NFKB1: variants seen among roughly 807,000 people sequenced by gnomAD.
The protein encoded by NFKB1 is nuclear factor kappa B subunit 1, also known as nuclear factor NF-kappa-B p105 subunit.
In NFKB1, 9 loss-of-function variants were observed where a neutral mutation model predicts 105.1. The observed-to-expected ratio is 0.09, with a 90% CI of 0.05 to 0.15. NFKB1 has a LOEUF of 0.15. Among genes scored for constraint, NFKB1 ranks in the 10% least tolerant of loss-of-function variants. The probability of loss-of-function intolerance (pLI) is 1.00; values close to 1 mark genes in which losing one functional copy is unlikely to be tolerated. For missense variants in NFKB1, 830 were observed against 1,203.7 expected, an observed-to-expected ratio of 0.69 and a Z score of 4.59; for synonymous variants, 440 against 442.2, an observed-to-expected ratio of 1.00 and a Z score of 0.06.
rs550342036 is a variant in NFKB1, at chr4:102,539,236, CA to C, written c.258+1301del. The stretch of plus-strand genomic sequence containing the variant: ...TGGACAACAGAGCGAGACTCTGTCT[CA>C]AAAAAAAAAAAAAAAAAAAAGAAAG... On this transcript the variant is annotated intron_variant, in intron 5 of 23. Coordinates refer to ENST00000226574, the MANE Select transcript of NFKB1 (RefSeq NM_003998.4). 4.6e-3 allele frequency among the ~76,000 whole-genome samples: 441 copies of C among 95,624 alleles called. 2 individuals carry two copies. The highest frequency in any genetic ancestry group is 0.014 in the Middle Eastern group (3 of 208). The allele number at this position is 95,624 out of a possible 152,430, so 62.7% of individuals were successfully genotyped here. A position where few individuals can be genotyped will look rare whatever the true frequency, so the allele number is the denominator to read the frequency against.
At chr4:102,608,402 G>A (rs1728026541) in intron 19 of NFKB1, among the ~76,000 whole-genome samples, 3 of 152,184 alleles carry the variant, frequency 2.0e-5, no homozygotes, top group African/African-American at 7.2e-5. Flanking sequence ...CAGGGTTCCA[G>A]TAAGTGACAG....
chr4:102,596,170 G>A lies in NFKB1; in HGVS notation c.1333G>A (p.Glu445Lys). 2 of 1,610,440 alleles carry A rather than the reference G, an allele frequency of 1.2e-6. No individual in the cohort carries two copies. ...TMDTESKKDPEGCDKSDDKNT... is the reference protein window; with the variant it reads ...TMDTESKKDPKGCDKSDDKNT... ...GGACACTGAATCTAAAAAGGACCCT[G>A]AAGGTTGTGACAAAAGTGATGACAA... Residue 445 changes from glutamate (E) to lysine (K), a missense_variant, in exon 14 of 24, where the codon GAA becomes AAA. Glu to Lys is a moderately conservative substitution (Grantham distance 56). This residue lies in a region of NFKB1 where 163 missense variants were observed against 164.3 expected (regional missense o/e 0.99). Coordinates refer to ENST00000226574, the MANE Select transcript of NFKB1 (RefSeq NM_003998.4).
At chr4:102,593,666 A>G in intron 12 of NFKB1, 98 bp downstream of exon 12, 3 of 1,207,408 alleles carry the variant, frequency 2.5e-6, no homozygotes, top group Non-Finnish European at 3.4e-6. Context: ...TTGAGTGGCT[A>G]TGATATTATT....
In NFKB1 at chr4:102,610,609, C is replaced by A. The variant is rs1265330593; in HGVS notation, c.2262C>A (p.Leu754=). The A allele has an allele frequency of 6.2e-7, 1 of 1,614,022 alleles. No individual in the cohort carries two copies. The highest frequency in any genetic ancestry group is 2.2e-5 in the East Asian group (1 of 44,868). Residue 754 remains leucine, a synonymous_variant, in exon 20 of 24, where the codon CTC becomes CTA. Coordinates refer to ENST00000226574, the MANE Select transcript of NFKB1 (RefSeq NM_003998.4). ...CCCTGGTGGAGAACTTTGAGCCTCT[C>A]TATGACCTGGATGACTCTTGGGAAA... ...ADPLVENFEP[L]YDLDDSWENA...
At chr4:102,582,295 C>G (rs1443195704) in intron 9 of NFKB1, among the ~76,000 whole-genome samples, 1 of 152,142 alleles carries the variant, frequency 6.6e-6, no homozygotes, top group African/African-American at 2.4e-5. Flanking sequence ...CTGGTTCCTC[C>G]AAGTACTAGC....
chr4:102,523,677 C>T (rs1214520330), intron 1 of NFKB1, among the ~76,000 whole-genome samples: 6 of 152,202 alleles, frequency 3.9e-5, no homozygotes, highest in South Asian at 2.1e-4. Flanking sequence ...TGGCATTGTT[C>T]AGGGATCCTC....
At chr4:102,578,811 T>C (rs763859413) in intron 7 of NFKB1, 70 bp from the exon 8 acceptor site, 26 of 1,510,290 alleles carry the variant, frequency 1.7e-5, no homozygotes, top group Non-Finnish European at 2.3e-5. Flanking sequence ...TATTTGGGCT[T>C]TATAAAAGCA....
chr4:102,516,108 T>A (rs1740164060), intron 1 of NFKB1, among the ~76,000 whole-genome samples: 1 of 152,144 alleles, frequency 6.6e-6, no homozygotes. Context: ...AGAAACATCA[T>A]GCTTATCATG....
At chr4:102,549,480 A>G (rs546749575) in intron 5 of NFKB1, among the ~76,000 whole-genome samples, 24 of 149,992 alleles carry the variant, frequency 1.6e-4, no homozygotes, top group African/African-American at 5.8e-4. Flanking sequence ...TTGAATTTAT[A>G]TATATATAAA....
At chr4:102,600,195 T>C (rs1279156645) in intron 15 of NFKB1, among the ~76,000 whole-genome samples, 1 of 152,158 alleles carries the variant, frequency 6.6e-6, no homozygotes, top group Non-Finnish European at 1.5e-5. Context: ...AGGTTTGAAC[T>C]GGAATATAAA....
At chr4:102,601,723 C>A (rs762739572) in intron 16 of NFKB1, among the ~76,000 whole-genome samples, 2 of 152,338 alleles carry the variant, frequency 1.3e-5, no homozygotes, top group Non-Finnish European at 2.9e-5. Context: ...GGAGCCACTT[C>A]GGCAGAAGCA....
chr4:102,603,969 T>C (rs1173065539), intron 16 of NFKB1, among the ~76,000 whole-genome samples: 1 of 152,254 alleles, frequency 6.6e-6, no homozygotes, highest in Non-Finnish European at 1.5e-5. Context: ...TTGGTATGGA[T>C]TGTTTTATTT....
intron 5 of NFKB1, among the ~76,000 whole-genome samples, chr4:102,556,660 G>A (rs1383825543): frequency 1.3e-5 from 2 of 152,202 alleles, no homozygotes; most frequent in African/African-American, 4.8e-5. Flanking sequence ...ATTTGCAAAG[G>A]GCCTCAGATT....
chr4:102,530,593 G>A (rs910746857), intron 3 of NFKB1, among the ~76,000 whole-genome samples: 2 of 152,160 alleles, frequency 1.3e-5, no homozygotes, highest in Non-Finnish European at 2.9e-5. Context: ...CTTAACAGAT[G>A]TTCAAAAGCA....
chr4:102,591,739 T>G (rs1360303601), intron 11 of NFKB1, among the ~76,000 whole-genome samples: 2 of 152,180 alleles, frequency 1.3e-5, no homozygotes, highest in Non-Finnish European at 2.9e-5. Flanking sequence ...CTGAAGGAGA[T>G]CTTTTCATGG....
chr4:102,576,036 T>C (rs1724793579), intron 6 of NFKB1, among the ~76,000 whole-genome samples: 1 of 152,250 alleles, frequency 6.6e-6, no homozygotes, highest in African/African-American at 2.4e-5. Flanking sequence ...TTGTTTCATG[T>C]ACTTTAATTT....
At chr4:102,557,590 A>G (rs1307816803) in intron 5 of NFKB1, among the ~76,000 whole-genome samples, 1 of 152,222 alleles carries the variant, frequency 6.6e-6, no homozygotes, top group Non-Finnish European at 1.5e-5. Context: ...CATTTGAGGA[A>G]TAACAGACAG....
intron 6 of NFKB1, among the ~76,000 whole-genome samples, chr4:102,575,864 G>A (rs1043932136): frequency 2.6e-5 from 4 of 152,074 alleles, no homozygotes; most frequent in Non-Finnish European, 5.9e-5. Context: ...TGTCACACTA[G>A]CATATAAATT....
At chr4:102,544,794 C>T (rs1214074041) in intron 5 of NFKB1, among the ~76,000 whole-genome samples, 1 of 152,130 alleles carries the variant, frequency 6.6e-6, no homozygotes, top group African/African-American at 2.4e-5. Context: ...AGCTGGGAAG[C>T]TTAACCCTTA....
Sources: allele counts gnomAD v4.1 joint callset (sites outside exome capture counted in the v4.1 genomes callset), GRCh38; gene constraint gnomAD v4.1.1; regional missense constraint gnomAD v4.1.1; transcripts MANE v1.5; gene names NCBI Gene and HGNC (gene_info 2026-07-23, HGNC 2026-07-21).